LONRF3: variants seen among roughly 807,000 people sequenced by gnomAD.
LONRF3 encodes LON peptidase N-terminal domain and RING finger protein 3.
A neutral mutation model predicts 51.7 loss-of-function variants in LONRF3; 19 were observed. The ratio of observed to expected loss-of-function variants is 0.37; its 90% CI spans 0.26 to 0.54. The LOEUF (loss-of-function observed/expected upper bound fraction) is 0.54, where lower values mean the gene tolerates loss of function less well. Among genes scored for constraint, LONRF3 ranks in the 20% least tolerant of loss-of-function variants. LONRF3 has a pLI of 0.86. For missense variants in LONRF3, 521 were observed against 623.9 expected (o/e 0.84, Z 1.76); for synonymous variants, 265 against 257.8 (o/e 1.03, Z -0.27).
chrX:118,991,240 C>T (rs1011006062), intron 5 of LONRF3, among the ~76,000 whole-genome samples: 15 of 111,655 alleles, frequency 1.3e-4, no homozygotes, highest in African/African-American at 4.2e-4. Flanking sequence ...CATTTGACCA[C>T]GCCCCCGCCA....
In LONRF3 at chrX:119,017,741, G is replaced by C; in HGVS notation, c.*51G>C. Reference sequence around the variant, plus strand: ...CCACCTTCCCCACTGCCGTCGGGGGGAGTCTTCTTGTAAATATATCTAATT... The same window carrying C: ...CCACCTTCCCCACTGCCGTCGGGGGCAGTCTTCTTGTAAATATATCTAATT... On this transcript the variant is annotated 3_prime_UTR_variant, in exon 11 of 11. Coordinates refer to ENST00000371628, the MANE Select transcript of LONRF3 (RefSeq NM_001031855.3). The C allele has an allele frequency of 9.4e-7, 1 of 1,068,100 alleles. No homozygotes were observed. The allele number at this position is 1,068,100 out of a possible 1,213,427, so 88.0% of individuals were successfully genotyped here.
At chrX:118,981,769 G>T (rs1323736913) in intron 2 of LONRF3, among the ~76,000 whole-genome samples, 1 of 112,019 alleles carries the variant, frequency 8.9e-6, no homozygotes, top group African/African-American at 3.2e-5. Context: ...CAGCTTCAGG[G>T]CAGCCTCTGC....
At position 119,002,577 on chromosome X, in the gene LONRF3, C is replaced by T. The variant is rs188490945; in HGVS notation, c.1416-3544C>T. ...TTAGGGGATATCATGGACAACATTG[C>T]TATAAACATTGTTTACATCTGCTGG... On this transcript the variant is annotated intron_variant, in intron 5 of 10. Coordinates refer to ENST00000371628, the MANE Select transcript of LONRF3 (RefSeq NM_001031855.3). 5.3e-4 allele frequency among the ~76,000 whole-genome samples: 59 copies of T among 111,439 alleles called. 1 individual carries two copies. The East Asian group carries it at 0.016, about 30-fold the overall frequency.
chrX:119,003,214 ATTAAT>A (rs1924458825), intron 5 of LONRF3, among the ~76,000 whole-genome samples: 1 of 111,170 alleles, frequency 9.0e-6, no homozygotes, highest in Non-Finnish European at 1.9e-5. Context: ...TATTTGACTA[ATTAAT>A]TTATTTGAGA....
intron 5 of LONRF3, among the ~76,000 whole-genome samples, chrX:119,004,738 G>A (rs780269655): frequency 8.9e-6 from 1 of 111,951 alleles, no homozygotes; most frequent in African/African-American, 3.2e-5. Context: ...TGATTGTGGC[G>A]ATGGTTTCAT....
intron 5 of LONRF3, among the ~76,000 whole-genome samples, chrX:118,999,391 C>T (rs927627949): frequency 1.6e-4 from 18 of 112,020 alleles, no homozygotes; most frequent in Middle Eastern, 4.2e-3. Flanking sequence ...ATAGAGAAAT[C>T]CTGCTTCCAG....
rs770205515 is a variant in LONRF3, at chrX:118,982,958, C to T, written c.1059+15C>T. The T allele has an allele frequency of 4.2e-6, 5 of 1,204,181 alleles. No homozygotes were observed. The Admixed American group carries it at 8.8e-5, about 21-fold the overall frequency. On this transcript the variant is annotated intron_variant, in intron 3 of 10. Coordinates refer to ENST00000371628, the MANE Select transcript of LONRF3 (RefSeq NM_001031855.3). ...AAGCCCAAAGAGTGAGTTGAAATGA[C>T]ATCAGGTCCAGCTGCCTACTGGACC...
At chrX:118,999,094 G>A (rs1461546886) in intron 5 of LONRF3, among the ~76,000 whole-genome samples, 1 of 112,577 alleles carries the variant, frequency 8.9e-6, no homozygotes, top group Non-Finnish European at 1.9e-5. Flanking sequence ...ATCGTTGTTG[G>A]ATGACTGAAA....
At chrX:118,999,981 C>T (rs1040236913) in intron 5 of LONRF3, among the ~76,000 whole-genome samples, 1 of 112,042 alleles carries the variant, frequency 8.9e-6, no homozygotes, top group Non-Finnish European at 1.9e-5. Flanking sequence ...AGTTCCCTTT[C>T]CAACAGGGTT....
At chrX:119,006,934 G>A (rs867253271) in intron 6 of LONRF3, among the ~76,000 whole-genome samples, 3 of 107,668 alleles carry the variant, frequency 2.8e-5, no homozygotes, top group Non-Finnish European at 5.8e-5. Flanking sequence ...ATATTGGTCA[G>A]GCTGGTCTCG....
rs140414620 is a variant in LONRF3 at position 118,989,589 on chromosome X, G to T, written c.1241G>T (p.Gly414Val). ...CCAAAAGCTGCTTCCAGCAAGACTG[G>T]AAAATGCCAGGAAAAGAAAAGGAAA... ...TSPKAASSKT[G>V]KCQEKKRKHC... Residue 414 changes from glycine to valine, a missense_variant, in exon 4 of 11, where the codon GGA (glycine) becomes GTA (valine). Physicochemically the swap from Gly to Val is moderately radical, Grantham distance 109. Transcript: ENST00000371628. The T allele has an allele frequency of 1.6e-5, 19 of 1,209,501 alleles. No individual in the cohort carries two copies. The African/African-American group carries it at 3.3e-4, about 21-fold the overall frequency.
chrX:119,006,223 C>T lies in LONRF3; in HGVS notation c.1518C>T (p.Asp506=), dbSNP rs1924691696. 1.7e-6 allele frequency: 2 copies of T among 1,142,976 alleles called. No individual in the cohort carries two copies. The highest frequency in any genetic ancestry group is 6.0e-5 in the East Asian group (2 of 33,125). 94.2% of individuals were successfully genotyped at this position (1,142,976 alleles called of 1,213,427 possible). Residue 506 remains aspartate, a synonymous_variant, in exon 6 of 11, where the codon GAC becomes GAT. Transcript: ENST00000371628. Reference sequence around the variant, plus strand: ...ACGCAAAGTGTCCATTGTGCAAAGACGGTCTTTCACAGGTAAATCAATATT... The same window carrying T: ...ACGCAAAGTGTCCATTGTGCAAAGATGGTCTTTCACAGGTAAATCAATATT... The part of the protein sequence containing the change: ...DHNAKCPLCK[D]GLSQCLASRK...
intron 2 of LONRF3, 97 bp downstream of exon 2, chrX:118,978,560 A>G: frequency 3.7e-6 from 2 of 534,837 alleles, no homozygotes. Flanking sequence ...CTAGAGCTCA[A>G]GCAGAACAGG....
At chrX:119,000,818 T>A (rs1020085920) in intron 5 of LONRF3, among the ~76,000 whole-genome samples, 29 of 78,661 alleles carry the variant, frequency 3.7e-4, no homozygotes, top group African/African-American at 1.1e-3. Context: ...TCTCTCTCTC[T>A]CTCTCTCTCT....
At chrX:119,003,487 A>C (rs1924477345) in intron 5 of LONRF3, among the ~76,000 whole-genome samples, 1 of 112,526 alleles carries the variant, frequency 8.9e-6, no homozygotes, top group African/African-American at 3.2e-5. Flanking sequence ...CTATTTATGT[A>C]TTGAAAATCT....
chrX:119,013,642 A>T (rs1925259822), intron 9 of LONRF3, among the ~76,000 whole-genome samples: 1 of 112,171 alleles, frequency 8.9e-6, no homozygotes, highest in African/African-American at 3.2e-5. Flanking sequence ...CCTTCCCAAT[A>T]ATCCATCATC....
chrX:119,013,742 A>G (rs1925265491), intron 9 of LONRF3, among the ~76,000 whole-genome samples: 1 of 112,048 alleles, frequency 8.9e-6, no homozygotes, highest in Non-Finnish European at 1.9e-5. Flanking sequence ...ATATTCATTT[A>G]TATTTACATT....
At chrX:118,982,762 A>G in intron 2 of LONRF3, 59 bp from the exon 3 acceptor site, 1 of 1,190,426 alleles carries the variant, frequency 8.4e-7, no homozygotes, top group Non-Finnish European at 1.1e-6. Flanking sequence ...AGTTATTGTT[A>G]GAGCAGTAGT....
At chrX:119,008,890 C>T (rs1279641083) in intron 6 of LONRF3, among the ~76,000 whole-genome samples, 2 of 111,335 alleles carry the variant, frequency 1.8e-5, no homozygotes, top group African/African-American at 6.5e-5. Context: ...AGGTTTTACC[C>T]CCTTGTTAAA....
Sources: allele counts gnomAD v4.1 joint callset (sites outside exome capture counted in the v4.1 genomes callset), GRCh38; gene constraint gnomAD v4.1.1; transcripts MANE v1.5; gene names NCBI Gene and HGNC (gene_info 2026-07-23, HGNC 2026-07-21).